Variants in MEF2A observed in about 807,000 individuals in gnomAD.
The protein encoded by MEF2A is myocyte enhancer factor 2A.
Under a neutral mutation model 55.8 loss-of-function variants are expected in MEF2A, and 28 were observed. That is an observed-to-expected ratio of 0.50 (90% CI 0.37 to 0.69). MEF2A has a LOEUF of 0.69. Ranked by LOEUF, MEF2A falls within the 30% of genes least tolerant of loss-of-function variation. MEF2A has a pLI of 0.00. For missense variants in MEF2A, 528 were observed against 626.2 expected (o/e 0.84, Z 1.67); for synonymous variants, 239 against 227.1 (o/e 1.05, Z -0.47).
In MEF2A at chr15:99,714,729, G is replaced by T. The variant is rs1344949103; in HGVS notation, c.*1958G>T. Reference sequence around the variant, plus strand: ...ACTCCTTTTCCTAAAAAACTCAAGGGTTTAAAAATTGCTATTTTATATTTT... The same window carrying T: ...ACTCCTTTTCCTAAAAAACTCAAGGTTTTAAAAATTGCTATTTTATATTTT... On this transcript the variant is annotated 3_prime_UTR_variant, in exon 12 of 12. Coordinates refer to ENST00000557942, the MANE Select transcript of MEF2A (RefSeq NM_001319206.4). The T allele has an allele frequency of 6.6e-6, 1 of 151,854 alleles. No homozygotes were observed. The highest frequency in any genetic ancestry group is 2.4e-5 in the African/African-American group (1 of 41,296). The allele number at this position is 151,854 out of a possible 1,614,324, so 9.4% of individuals were successfully genotyped here. A position where few individuals can be genotyped will look rare whatever the true frequency, so the allele number is the denominator to read the frequency against.
At chr15:99,666,635 G>A (rs888860807) in intron 4 of MEF2A, among the ~76,000 whole-genome samples, 13 of 148,354 alleles carry the variant, frequency 8.8e-5, no homozygotes, top group African/African-American at 2.9e-4. Flanking sequence ...AGAAAAAAAA[G>A]GAAGGCTTTT....
At chr15:99,639,784 A>C (rs1228452292) in intron 3 of MEF2A, among the ~76,000 whole-genome samples, 3 of 151,224 alleles carry the variant, frequency 2.0e-5, no homozygotes, top group Admixed American at 2.0e-4. Flanking sequence ...TCCCTTTTTA[A>C]ATTTTATTTT....
At position 99,579,436 on chromosome 15, in the gene MEF2A, C is replaced by G. The variant is rs564538296; in HGVS notation, c.-225+13332C>G. On this transcript the variant is annotated intron_variant, in intron 1 of 11. Transcript: ENST00000557942. ...TTGAGACAGAGTCTCACTCTGTCAC[C>G]CAGGCTGGAATGCAGTGGCGTGATC... 2.0e-5 allele frequency among the ~76,000 whole-genome samples: 3 copies of G among 152,008 alleles called. No homozygotes were observed. The South Asian group carries it at 6.2e-4, about 32-fold the overall frequency.
rs112025367 is a variant in MEF2A at position 99,678,954 on chromosome 15, A to T, written c.670+3496A>T. Among the ~76,000 whole-genome samples, 6 of 152,348 alleles carry T rather than the reference A, an allele frequency of 3.9e-5. 2 individuals carry two copies. The highest frequency in any genetic ancestry group is 1.4e-4 in the African/African-American group (6 of 41,574). On this transcript the variant is annotated intron_variant, in intron 7 of 11. Coordinates refer to ENST00000557942, the MANE Select transcript of MEF2A (RefSeq NM_001319206.4). Reference sequence around the variant, plus strand: ...TTGAAAATGTGCATGAGAACACATCACTTCACAAAAGAAATGTCTGATAAA... The same window carrying T: ...TTGAAAATGTGCATGAGAACACATCTCTTCACAAAAGAAATGTCTGATAAA...
intron 3 of MEF2A, among the ~76,000 whole-genome samples, chr15:99,639,478 T>A (rs1396994021): frequency 1.3e-5 from 2 of 152,240 alleles, no homozygotes; most frequent in East Asian, 3.8e-4. Flanking sequence ...TCAATACTTC[T>A]ATCAAAGAAC....
chr15:99,660,154 C>G (rs2153564877), intron 4 of MEF2A, among the ~76,000 whole-genome samples: 1 of 152,278 alleles, frequency 6.6e-6, no homozygotes, highest in East Asian at 1.9e-4. Context: ...AAGTCTTCAG[C>G]AAAATATTAG....
At chr15:99,629,150 G>T (rs2570809) in intron 2 of MEF2A, among the ~76,000 whole-genome samples, 145,405 of 152,284 alleles carry the variant, frequency 0.95, 69,787 homozygotes, top group East Asian at 1. Context: ...GATCTCTCTG[G>T]CTGGCTGAAC....
intron 7 of MEF2A, 82 bp downstream of exon 7, chr15:99,675,540 T>C (rs2051815008): frequency 4.7e-6 from 6 of 1,264,376 alleles, no homozygotes; most frequent in Admixed American, 3.9e-5. Context: ...AATAAAGCTT[T>C]CTGGGAAATT....
chr15:99,613,281 T>C (rs1353962813), intron 2 of MEF2A, among the ~76,000 whole-genome samples: 1 of 152,228 alleles, frequency 6.6e-6, no homozygotes, highest in Non-Finnish European at 1.5e-5. Context: ...ATGTTTTAGT[T>C]CCTCAGTTGA....
chr15:99,569,321 G>A (rs2152696401), intron 1 of MEF2A, among the ~76,000 whole-genome samples: 1 of 152,302 alleles, frequency 6.6e-6, no homozygotes, highest in Non-Finnish European at 1.5e-5. Flanking sequence ...TCTGGCTTTT[G>A]TTTCTTCTTT....
intron 2 of MEF2A, 138 bp downstream of exon 2, chr15:99,598,649 T>A (rs1972023650): frequency 6.6e-6 from 1 of 152,174 alleles, no homozygotes; most frequent in Non-Finnish European, 1.5e-5. Context: ...TAGACCCAGT[T>A]GAGGAAATTT....
In MEF2A at chr15:99,714,379, A is replaced by C. The variant is rs1439597199; in HGVS notation, c.*1608A>C. The C allele has an allele frequency of 6.6e-6, 1 of 152,246 alleles. No homozygotes were observed. The highest frequency in any genetic ancestry group is 1.5e-5 in the Non-Finnish European group (1 of 68,038). The allele number at this position is 152,246 out of a possible 1,614,324, so 9.4% of individuals were successfully genotyped here. The stretch of plus-strand genomic sequence containing the variant: ...ATAAGTGGTAAATGATTAGGGGAAA[A>C]TAATCATGGGGAAAGGGATCTTTTT... On this transcript the variant is annotated 3_prime_UTR_variant, in exon 12 of 12. Transcript: ENST00000557942.
At chr15:99,699,609 T>C (rs2057058281) in intron 8 of MEF2A, among the ~76,000 whole-genome samples, 1 of 152,222 alleles carries the variant, frequency 6.6e-6, no homozygotes, top group Admixed American at 6.5e-5. Flanking sequence ...AATATAACTT[T>C]ATTACAGATA....
At chr15:99,606,416 G>A (rs996476215) in intron 2 of MEF2A, among the ~76,000 whole-genome samples, 1 of 152,028 alleles carries the variant, frequency 6.6e-6, no homozygotes, top group Non-Finnish European at 1.5e-5. Flanking sequence ...AAGAAATTTT[G>A]TTCTTGCAAA....
At chr15:99,613,053 A>G (rs1266009096) in intron 2 of MEF2A, among the ~76,000 whole-genome samples, 3 of 152,220 alleles carry the variant, frequency 2.0e-5, no homozygotes, top group Admixed American at 6.5e-5. Context: ...GACTTGATTC[A>G]TTTGTATGAT....
intron 7 of MEF2A, among the ~76,000 whole-genome samples, chr15:99,683,052 T>C (rs2053532781): frequency 6.6e-6 from 1 of 152,236 alleles, no homozygotes; most frequent in African/African-American, 2.4e-5. Flanking sequence ...TTTTAATTCT[T>C]CAACTGTCTG....
chr15:99,627,194 A>C (rs1335732941), intron 2 of MEF2A, among the ~76,000 whole-genome samples: 1 of 150,440 alleles, frequency 6.6e-6, no homozygotes, highest in Admixed American at 6.6e-5. Flanking sequence ...GAAGTGGGTT[A>C]GGGCCAGTGA....
At chr15:99,588,653 A>C (rs1041561825) in intron 1 of MEF2A, among the ~76,000 whole-genome samples, 1 of 151,682 alleles carries the variant, frequency 6.6e-6, no homozygotes, top group African/African-American at 2.4e-5. Flanking sequence ...TATGTTGCCC[A>C]GGCTGTTCTC....
At chr15:99,667,277 A>G (rs765683565) in intron 4 of MEF2A, among the ~76,000 whole-genome samples, 4 of 152,144 alleles carry the variant, frequency 2.6e-5, no homozygotes, top group Non-Finnish European at 4.4e-5. Flanking sequence ...GCTGGAGTGC[A>G]GTGGCACGAT....
Sources: allele counts gnomAD v4.1 joint callset (sites outside exome capture counted in the v4.1 genomes callset), GRCh38; gene constraint gnomAD v4.1.1; transcripts MANE v1.5; gene names NCBI Gene and HGNC (gene_info 2026-07-23, HGNC 2026-07-21).